Variants in UBE2E3 observed in about 807,000 individuals in gnomAD.
UBE2E3 encodes the protein ubiquitin conjugating enzyme E2 E3, also known as ubiquitin-conjugating enzyme E2 E3.
A neutral mutation model predicts 23.6 loss-of-function variants in UBE2E3; 5 were observed. The ratio of observed to expected loss-of-function variants is 0.21; its 90% confidence interval spans 0.11 to 0.44. UBE2E3 has a LOEUF of 0.44. UBE2E3 is among the 20% of genes least tolerant of loss of function. The pLI, the probability that UBE2E3 is intolerant of heterozygous loss-of-function variation, is 0.99. For missense variants in UBE2E3, 81 were observed against 249.8 expected, an observed-to-expected ratio of 0.32 and a Z score of 4.55; for synonymous variants, 78 against 87.5, an observed-to-expected ratio of 0.89 and a Z score of 0.60.
Position 181,035,730 on chromosome 2 carries a change from A to G in UBE2E3, c.246-21963A>G, listed in dbSNP as rs545263283. Among the ~76,000 whole-genome samples the G allele has an allele frequency of 2.6e-5, 4 of 152,168 alleles. No homozygotes were observed. The South Asian group carries it at 8.3e-4, about 32-fold the overall frequency. On this transcript the variant is annotated intron_variant, in intron 3 of 5. Transcript: ENST00000410062. ...CATCGGGTGTCATTAATGTTAGTGT[A>G]TTTTATATGTGACCCAAGACAATTC... is the stretch of plus-strand genomic sequence containing the variant.
In UBE2E3 at chr2:180,999,227, G is replaced by A. The variant is rs182183353; in HGVS notation, c.245+15134G>A. The stretch of plus-strand genomic sequence containing the variant: ...GGGTATTACATGACCGCAAAGAATG[G>A]CAGTTCCTAGTACTCTGACGTTCCA... On this transcript the variant is annotated intron_variant, in intron 3 of 5. Coordinates refer to ENST00000410062, the MANE Select transcript of UBE2E3 (RefSeq NM_006357.4). Among the ~76,000 whole-genome samples the A allele has an allele frequency of 9.9e-5, 15 of 152,230 alleles. No homozygotes were observed. In the East Asian group the frequency reaches 2.9e-3, roughly 29 times the overall value.
At chr2:181,039,045 G>A (rs1686389798) in intron 3 of UBE2E3, among the ~76,000 whole-genome samples, 1 of 150,718 alleles carries the variant, frequency 6.6e-6, no homozygotes, top group South Asian at 2.1e-4. Context: ...ACTACCATGT[G>A]ACTCAGTGTT....
intron 3 of UBE2E3, among the ~76,000 whole-genome samples, chr2:180,996,671 C>T (rs940773646): frequency 1.3e-5 from 2 of 152,148 alleles, no homozygotes; most frequent in Admixed American, 1.3e-4. Flanking sequence ...GAGGGGCTGT[C>T]ACTTGGCACT....
chr2:181,020,251 G>C (rs185926639), intron 3 of UBE2E3, among the ~76,000 whole-genome samples: 2 of 152,204 alleles, frequency 1.3e-5, no homozygotes, highest in Admixed American at 6.5e-5. Context: ...ATCCTTCCTT[G>C]CCTCTATTAG....
At chr2:180,992,854 C>T (rs1392152217) in intron 3 of UBE2E3, among the ~76,000 whole-genome samples, 2 of 152,020 alleles carry the variant, frequency 1.3e-5, no homozygotes, top group Non-Finnish European at 2.9e-5. Context: ...TTAGTAGAGA[C>T]AGGGTTTCAC....
At chr2:181,057,588 T>G (rs1687023951) in intron 3 of UBE2E3, 105 bp from the exon 4 acceptor site, 1 of 897,492 alleles carries the variant, frequency 1.1e-6, no homozygotes, top group Non-Finnish European at 1.7e-6. Flanking sequence ...TTTTACTTCT[T>G]ATTGCTCTAG....
intron 3 of UBE2E3, among the ~76,000 whole-genome samples, chr2:181,003,614 A>G (rs906368532): frequency 6.6e-6 from 1 of 152,178 alleles, no homozygotes; most frequent in Non-Finnish European, 1.5e-5. Flanking sequence ...CTGGTTTTGA[A>G]CACTGAATTT....
intron 3 of UBE2E3, among the ~76,000 whole-genome samples, chr2:181,020,908 G>C (rs1189695292): frequency 1.3e-5 from 2 of 149,856 alleles, no homozygotes; most frequent in African/African-American, 5.0e-5. Flanking sequence ...TAAGTTTTTA[G>C]AGTTAGGGAA....
intron 3 of UBE2E3, among the ~76,000 whole-genome samples, chr2:181,051,595 G>A (rs577567009): frequency 6.6e-6 from 1 of 151,802 alleles, no homozygotes; most frequent in African/African-American, 2.4e-5. Flanking sequence ...TAACTTGATA[G>A]CCTCATTGTG....
intron 3 of UBE2E3, among the ~76,000 whole-genome samples, chr2:181,025,118 T>A (rs1391536042): frequency 6.6e-6 from 1 of 151,924 alleles, no homozygotes; most frequent in Non-Finnish European, 1.5e-5. Context: ...AAGTAAAAAA[T>A]ACCAAATAAT....
At chr2:181,024,940 A>G (rs929623695) in intron 3 of UBE2E3, among the ~76,000 whole-genome samples, 1 of 152,000 alleles carries the variant, frequency 6.6e-6, no homozygotes, top group Non-Finnish European at 1.5e-5. Flanking sequence ...CAGCTCTATT[A>G]ATAAAAGTAG....
intron 3 of UBE2E3, among the ~76,000 whole-genome samples, chr2:181,036,744 ACTTTT>A (rs1686300493): frequency 1.3e-5 from 2 of 152,042 alleles, no homozygotes; most frequent in Non-Finnish European, 2.9e-5. Flanking sequence ...TTTTTTATTA[ACTTTT>A]CTTAACTGTA....
intron 3 of UBE2E3, among the ~76,000 whole-genome samples, chr2:181,003,884 C>G (rs565097694): frequency 6.6e-6 from 1 of 152,102 alleles, no homozygotes; most frequent in Non-Finnish European, 1.5e-5. Context: ...TCTGCATTCT[C>G]TCAGGAAGAT....
chr2:181,059,217 A>T (rs757848198), intron 4 of UBE2E3, among the ~76,000 whole-genome samples: 11 of 151,714 alleles, frequency 7.3e-5, no homozygotes, highest in Non-Finnish European at 1.5e-4. Flanking sequence ...TTCTGGTATA[A>T]TCTTGGTATT....
chr2:180,983,596 T>C (rs1210556716), intron 2 of UBE2E3, among the ~76,000 whole-genome samples: 1 of 152,216 alleles, frequency 6.6e-6, no homozygotes, highest in Non-Finnish European at 1.5e-5. Context: ...AGATAAAATA[T>C]TGTCAGAACT....
At chr2:180,993,057 T>A (rs138409915) in intron 3 of UBE2E3, among the ~76,000 whole-genome samples, 1 of 152,324 alleles carries the variant, frequency 6.6e-6, no homozygotes, top group African/African-American at 2.4e-5. Context: ...AGTAGTAAAG[T>A]TAAATTGTAA....
intron 3 of UBE2E3, among the ~76,000 whole-genome samples, chr2:181,028,540 C>T (rs184926169): frequency 2.5e-4 from 38 of 152,222 alleles, no homozygotes; most frequent in East Asian, 1.3e-3. Context: ...GTTCTCTTTG[C>T]GCTGCAGGTT....
intron 3 of UBE2E3, among the ~76,000 whole-genome samples, chr2:181,004,807 G>A (rs554545330): frequency 5.3e-5 from 8 of 152,292 alleles, no homozygotes; most frequent in South Asian, 4.1e-4. Flanking sequence ...ATATATATAC[G>A]TAGTAGGTGA....
At chr2:181,040,953 A>G (rs1005769599) in intron 3 of UBE2E3, among the ~76,000 whole-genome samples, 8 of 152,126 alleles carry the variant, frequency 5.3e-5, no homozygotes, top group Non-Finnish European at 1.2e-4. Flanking sequence ...CCTTTTCTCC[A>G]AAGAAATGCT....
Sources: allele counts gnomAD v4.1 joint callset (sites outside exome capture counted in the v4.1 genomes callset), GRCh38; gene constraint gnomAD v4.1.1; transcripts MANE v1.5; gene names NCBI Gene and HGNC (gene_info 2026-07-23, HGNC 2026-07-21).